Variants in ASPM observed in about 807,000 individuals in gnomAD.
ASPM encodes the protein abnormal spindle-like microcephaly-associated protein.
A neutral mutation model predicts 366.4 loss-of-function variants in ASPM; 256 were observed. The observed-to-expected ratio is 0.70, with a 90% CI of 0.63 to 0.77. The LOEUF (loss-of-function observed/expected upper bound fraction) is 0.77. Among genes scored for constraint, ASPM ranks in the 30% least tolerant of loss-of-function variants. ASPM has a pLI of 0.00. For synonymous variants in ASPM, 1,414 were observed against 1,342.9 expected (o/e 1.05, Z -1.16); for missense variants, 4,146 against 4,090.4 (o/e 1.01, Z -0.37).
chr1:197,094,197 G>A lies in ASPM; in HGVS notation c.8988-17C>T, dbSNP rs760966499. 12 of 1,486,558 alleles carry A rather than the reference G, an allele frequency of 8.1e-6. No homozygotes were observed. In the East Asian group the frequency reaches 2.5e-4, roughly 31 times the overall value. The allele number at this position is 1,486,558 out of a possible 1,614,324, so 92.1% of individuals were successfully genotyped here. A position where few individuals can be genotyped will look rare whatever the true frequency, so the allele number is the denominator to read the frequency against. On this transcript the variant is annotated splice_polypyrimidine_tract_variant and intron_variant, in intron 19 of 27. Transcript: ENST00000367409. ...TTCAAAAACCTAAAAAGTAGTTATT[G>A]GAAAGCAATGTCAAATTACTTTAAC... is the stretch of plus-strand genomic sequence containing the variant.
At chr1:197,142,041 CATTCA>C (rs1224822563) in intron 3 of ASPM, among the ~76,000 whole-genome samples, 2 of 152,120 alleles carry the variant, frequency 1.3e-5, no homozygotes, top group Admixed American at 1.3e-4. Context: ...CTTATCCATT[CATTCA>C]ATTCATCTTT....
At chr1:197,121,864 T>C in intron 16 of ASPM, 51 bp downstream of exon 16, 2 of 1,544,098 alleles carry the variant, frequency 1.3e-6, no homozygotes. Context: ...AATCAACAAA[T>C]ACCTTCTAAA....
chr1:197,142,349 TTAA>T lies in ASPM; in HGVS notation c.1900_1902del (p.Leu634del). 1.2e-6 allele frequency: 2 copies of T among 1,613,844 alleles called. No individual in the cohort carries two copies. The highest frequency in any genetic ancestry group is 2.2e-5 in the East Asian group (1 of 44,860). On this transcript the variant is annotated inframe_deletion, in exon 3 of 28. Coordinates refer to ENST00000367409, the MANE Select transcript of ASPM (RefSeq NM_018136.5). ...GACTCACCAGTTTTCTTCTTCAGGTTTAATTTCTCTCTGTTGCTAATACGTTTT... is the reference window on the plus strand; with the variant it reads ...GACTCACCAGTTTTCTTCTTCAGGTTTTTCTCTCTGTTGCTAATACGTTTT...
At chr1:197,090,536 A>G in intron 23 of ASPM, 148 bp from the exon 24 acceptor site, 1 of 765,486 alleles carries the variant, frequency 1.3e-6, no homozygotes, top group Non-Finnish European at 2.0e-6. Context: ...TCAAATAAAT[A>G]GCAAAATCAA....
In ASPM at chr1:197,104,882, G is replaced by A; in HGVS notation, c.4369C>T (p.His1457Tyr). The change falls in exon 18 of 28, where the codon CAT becomes TAT. Residue 1457 changes from histidine to tyrosine, a missense_variant. His to Tyr is a moderately conservative substitution (Grantham distance 83). Transcript: ENST00000367409. ...VILQRAFREW[H>Y]LRKQAKEENS... ...TCTTCTTTAGCTTGTTTTCTTAAAT[G>A]CCATTCTCTAAAAGCTCTTTGCAAT... 6.2e-7 allele frequency: 1 copy of A among 1,607,108 alleles called. No homozygotes were observed. Among genetic ancestry groups the A allele is most frequent in the South Asian group, 1.1e-5 (1 of 88,966 alleles).
intron 4 of ASPM, among the ~76,000 whole-genome samples, chr1:197,139,464 G>A (rs748365443): frequency 2.0e-5 from 3 of 152,214 alleles, no homozygotes; most frequent in Non-Finnish European, 4.4e-5. Context: ...GGGCATGGTC[G>A]TGGGTGCCCG....
intron 25 of ASPM, among the ~76,000 whole-genome samples, chr1:197,089,573 A>AT (rs1433055756): frequency 2.0e-5 from 3 of 151,878 alleles, no homozygotes; most frequent in South Asian, 2.1e-4. Flanking sequence ...AATTATTATT[A>AT]TTTTTTCTCT....
intron 16 of ASPM, among the ~76,000 whole-genome samples, chr1:197,121,010 C>T (rs1213326341): frequency 6.6e-6 from 1 of 152,122 alleles, no homozygotes; most frequent in South Asian, 2.1e-4. Flanking sequence ...ATCTGTTTTA[C>T]ACAGCTACCA....
intron 25 of ASPM, among the ~76,000 whole-genome samples, chr1:197,088,832 ATTAG>A (rs1656682690): frequency 6.6e-6 from 1 of 152,114 alleles, no homozygotes; most frequent in Non-Finnish European, 1.5e-5. Context: ...GCAGGATCTA[ATTAG>A]TTACTCTATT....
At position 197,093,078 on chromosome 1, in the gene ASPM, C is replaced by A. The variant is rs377447809; in HGVS notation, c.9268G>T (p.Val3090Leu). The stretch of plus-strand genomic sequence containing the variant: ...CTTTTTCGTACTAGCCAACCACGCA[C>A]CAGTGCTTGTAGGATAACTGTAGAT... ...KKSTVILQAL[V>L]RGWLVRKRFL... Residue 3090 changes from valine to leucine, a missense_variant, in exon 21 of 28, where the codon GTG becomes TTG. Coordinates refer to ENST00000367409, the MANE Select transcript of ASPM (RefSeq NM_018136.5). The A allele has an allele frequency of 1.2e-6, 2 of 1,611,368 alleles. No homozygotes were observed. Among genetic ancestry groups the A allele is most frequent in the Non-Finnish European group, 1.7e-6 (2 of 1,178,284 alleles).
At chr1:197,115,357 CT>C (rs1282389351) in intron 17 of ASPM, among the ~76,000 whole-genome samples, 1 of 152,164 alleles carries the variant, frequency 6.6e-6, no homozygotes, top group Non-Finnish European at 1.5e-5. Flanking sequence ...CCAACGAAAT[CT>C]TTAACCCATC....
At chr1:197,115,318 T>C (rs1267086739) in intron 17 of ASPM, among the ~76,000 whole-genome samples, 1 of 152,206 alleles carries the variant, frequency 6.6e-6, no homozygotes, top group African/African-American at 2.4e-5. Context: ...GTTCTCTTGA[T>C]ATTTCTACCA....
At chr1:197,110,854 G>C (rs576787450) in intron 17 of ASPM, among the ~76,000 whole-genome samples, 1 of 151,918 alleles carries the variant, frequency 6.6e-6, no homozygotes, top group Non-Finnish European at 1.5e-5. Flanking sequence ...CAAACAATGG[G>C]GAAAGGATAT....
chr1:197,143,826 A>C lies in ASPM; in HGVS notation c.442-16T>G. On this transcript the variant is annotated splice_polypyrimidine_tract_variant and intron_variant, in intron 2 of 27. Coordinates refer to ENST00000367409, the MANE Select transcript of ASPM (RefSeq NM_018136.5). ...AAAGACTCCTCTGCAAAAATAAGGA[A>C]AATATACCAATTAAGTTTGTAGCTA... 6.2e-7 allele frequency: 1 copy of C among 1,607,270 alleles called. No homozygotes were observed. Among genetic ancestry groups the C allele is most frequent in the Non-Finnish European group, 8.5e-7 (1 of 1,175,504 alleles).
Position 197,102,865 on chromosome 1 carries a change from A to G in ASPM, c.6386T>C (p.Met2129Thr), listed in dbSNP as rs1344704780. The change falls in exon 18 of 28, where the codon ATG becomes ACG. Residue 2129 changes from methionine to threonine, a missense_variant. By Grantham distance (81) the Met-to-Thr change is moderately conservative. Around this residue, in one of 3 missense-constraint regions of ASPM, gnomAD observed 3,624 missense variants for 3,591.7 expected, o/e 1.01. Coordinates refer to ENST00000367409, the MANE Select transcript of ASPM (RefSeq NM_018136.5). ...ATGGTAACTTATTCTTGACTGATGC[A>G]TTTTAAACATGGCTTTAATAAAAGT... ...AATFIKAMFKMHQSRISYHTM... is the reference protein window; with the variant it reads ...AATFIKAMFKTHQSRISYHTM... 6.2e-7 allele frequency: 1 copy of G among 1,612,620 alleles called. No individual in the cohort carries two copies. The highest frequency in any genetic ancestry group is 8.5e-7 in the Non-Finnish European group (1 of 1,179,284).
chr1:197,143,626 T>C lies in ASPM; in HGVS notation c.626A>G (p.Asn209Ser), dbSNP rs138426893. The C allele has an allele frequency of 1.7e-5, 28 of 1,613,248 alleles. No individual in the cohort carries two copies. In the Admixed American group the frequency reaches 2.2e-4, roughly 12 times the overall value. ...AMNEGGPPTE[N>S]NSLILEENKI... ...ATTTTCTTCAAGTATTAAAGAATTG[T>C]TTTCTGTTGGGGGACCGCCTTCATT... The change falls in exon 3 of 28, where the codon AAC (asparagine) becomes AGC (serine). Residue 209 changes from asparagine (N) to serine (S), a missense_variant. Physicochemically the swap from Asn to Ser is conservative, Grantham distance 46. This residue lies in a region of ASPM where 512 missense variants were observed against 471.7 expected (regional missense o/e 1.09). Transcript: ENST00000367409.
chr1:197,103,415 C>T lies in ASPM; in HGVS notation c.5836G>A (p.Glu1946Lys), dbSNP rs577851012. 1 of 1,613,180 alleles carries T rather than the reference C, an allele frequency of 6.2e-7. No individual in the cohort carries two copies. Among genetic ancestry groups the T allele is most frequent in the Non-Finnish European group, 8.5e-7 (1 of 1,179,418 alleles). The change falls in exon 18 of 28, where the codon GAA (glutamate) becomes AAA (lysine). Residue 1946 changes from glutamate (E) to lysine (K), a missense_variant. Physicochemically the swap from Glu to Lys is moderately conservative, Grantham distance 56. Coordinates refer to ENST00000367409, the MANE Select transcript of ASPM (RefSeq NM_018136.5). ...AGCACCAGTACCGCATGACGGAGTT[C>T]AATATACTCCATACATTGCTTCCTT... ...AGRKQCMEYI[E>K]LRHAVLVLQS...
intron 10 of ASPM, among the ~76,000 whole-genome samples, chr1:197,126,652 T>C (rs1177933745): frequency 6.6e-6 from 1 of 152,182 alleles, no homozygotes; most frequent in Non-Finnish European, 1.5e-5. Flanking sequence ...CAAAATGATC[T>C]TAGCTCATAT....
intron 17 of ASPM, among the ~76,000 whole-genome samples, chr1:197,113,589 G>C (rs1361274175): frequency 6.6e-6 from 1 of 151,868 alleles, no homozygotes; most frequent in Non-Finnish European, 1.5e-5. Context: ...CATCTACAAG[G>C]CCTTAAGATA....
Sources: allele counts gnomAD v4.1 joint callset (sites outside exome capture counted in the v4.1 genomes callset), GRCh38; gene constraint gnomAD v4.1.1; regional missense constraint gnomAD v4.1.1; transcripts MANE v1.5; gene names NCBI Gene and HGNC (gene_info 2026-07-23, HGNC 2026-07-21).